ACER1: variants seen among roughly 807,000 people sequenced by gnomAD.
ACER1 encodes the protein CTB-180A7.3.
Under a neutral mutation model 24.9 loss-of-function variants are expected in ACER1, and 28 were observed. The ratio of observed to expected loss-of-function variants is 1.13; its 90% CI spans 0.83 to 1.54. The LOEUF (loss-of-function observed/expected upper bound fraction) is 1.54. ACER1 is among the 40% of genes most tolerant of loss of function. The pLI, the probability that ACER1 is intolerant of heterozygous loss-of-function variation, is 0.00. For missense variants in ACER1, 352 were observed against 349.3 expected (o/e 1.01, Z -0.06); for synonymous variants, 132 against 131.4 (o/e 1.00, Z -0.03).
At chr19:6,311,107 G>C (rs1235009420) in intron 3 of ACER1, among the ~76,000 whole-genome samples, 2 of 151,864 alleles carry the variant, frequency 1.3e-5, no homozygotes, top group East Asian at 3.9e-4. Context: ...TCCCAGCTGG[G>C]CTGAGAAGAG....
the ACER1 span, among the ~76,000 whole-genome samples, chr19:6,347,109 A>AAAAAATATATATATAT: frequency 3.8e-4 from 43 of 113,762 alleles, no homozygotes; most frequent in Admixed American, 2.1e-3. Context: ...AAAAAAAAAA[A>AAAAAATATATATATAT]ATATATATAT....
chr19:6,312,082 T>C, intron 3 of ACER1, 67 bp downstream of exon 3: 1 of 1,547,470 alleles, frequency 6.5e-7, no homozygotes, highest in Non-Finnish European at 8.8e-7. Context: ...GGGACTCAGG[T>C]GAGCTCATGT....
chr19:6,353,047 C>T, the ACER1 span, among the ~76,000 whole-genome samples: 1 of 152,148 alleles, frequency 6.6e-6, no homozygotes, highest in Non-Finnish European at 1.5e-5. Context: ...TTATGGAGTC[C>T]TGGTGTGGTG....
At chr19:6,337,800 C>G (rs954035511), upstream of ACER1, among the ~76,000 whole-genome samples, 2 of 150,152 alleles carry the variant, frequency 1.3e-5, no homozygotes, top group Middle Eastern at 3.4e-3. Flanking sequence ...CTCAGCCTCC[C>G]GAGTAGCTGG....
chr19:6,314,953 G>A lies in ACER1; in HGVS notation c.94-2454C>T, dbSNP rs954760979. Reference sequence around the variant, plus strand: ...GTCGCCCAGGCTGGAGTGCAGTGGCGCGATCTCAGCTCACTGCAAGCTCCG... The same window carrying A: ...GTCGCCCAGGCTGGAGTGCAGTGGCACGATCTCAGCTCACTGCAAGCTCCG... On this transcript the variant is annotated intron_variant, in intron 1 of 5. Transcript: ENST00000301452. Among the ~76,000 whole-genome samples, 115 of 151,620 alleles carry A rather than the reference G, an allele frequency of 7.6e-4. 2 individuals carry two copies. The highest frequency in any genetic ancestry group is 3.4e-3 in the Middle Eastern group (1 of 294).
chr19:6,315,468 C>T (rs2091598991), intron 1 of ACER1, among the ~76,000 whole-genome samples: 1 of 152,050 alleles, frequency 6.6e-6, no homozygotes, highest in Non-Finnish European at 1.5e-5. Context: ...CAAGCTCCGC[C>T]TCCCGGGTTC....
At chr19:6,326,687 GA>G (rs2091663364) in intron 1 of ACER1, among the ~76,000 whole-genome samples, 1 of 152,054 alleles carries the variant, frequency 6.6e-6, no homozygotes, top group Admixed American at 6.6e-5. Context: ...TGGGGCTGAA[GA>G]AATCTGTTTC....
the ACER1 span, among the ~76,000 whole-genome samples, chr19:6,347,109 A>AAAAAAAAAAATATATAT: frequency 1.4e-4 from 16 of 113,778 alleles, no homozygotes; most frequent in African/African-American, 7.6e-4. Flanking sequence ...AAAAAAAAAA[A>AAAAAAAAAAATATATAT]ATATATATAT....
the ACER1 span, among the ~76,000 whole-genome samples, chr19:6,344,442 C>CAATA: frequency 6.6e-6 from 1 of 151,568 alleles, no homozygotes. Flanking sequence ...AACTCCATCT[C>CAATA]AATAAATAAA....
At chr19:6,345,698 G>T in the ACER1 span, among the ~76,000 whole-genome samples, 2 of 151,498 alleles carry the variant, frequency 1.3e-5, no homozygotes, top group Non-Finnish European at 2.9e-5. Flanking sequence ...CTGAGTCGCT[G>T]GGATTACAGG....
chr19:6,315,157 A>G (rs899543756), intron 1 of ACER1, among the ~76,000 whole-genome samples: 14 of 151,878 alleles, frequency 9.2e-5, no homozygotes, highest in African/African-American at 3.4e-4. Flanking sequence ...TGCTGGGATT[A>G]CAGGTGTGAG....
At chr19:6,319,665 C>T (rs1490884521) in intron 1 of ACER1, among the ~76,000 whole-genome samples, 7 of 152,130 alleles carry the variant, frequency 4.6e-5, no homozygotes, top group South Asian at 2.1e-4. Flanking sequence ...TTTCCTGCTC[C>T]TACTTCCAGA....
chr19:6,342,490 C>T, the ACER1 span, among the ~76,000 whole-genome samples: 4 of 151,774 alleles, frequency 2.6e-5, no homozygotes, highest in Non-Finnish European at 5.9e-5. Flanking sequence ...GAGGCTGAGG[C>T]GGGCGGATCA....
At chr19:6,329,089 A>G (rs1372304796) in intron 1 of ACER1, among the ~76,000 whole-genome samples, 1 of 152,034 alleles carries the variant, frequency 6.6e-6, no homozygotes, top group African/African-American at 2.4e-5. Context: ...TCAAGGCTGC[A>G]GTGAGCTATG....
At position 6,309,723 on chromosome 19, in the gene ACER1, G is replaced by C; in HGVS notation, c.462C>G (p.Leu154=). The C allele has an allele frequency of 1.2e-6, 2 of 1,614,086 alleles. No homozygotes were observed. The highest frequency in any genetic ancestry group is 1.7e-6 in the Non-Finnish European group (2 of 1,179,988). ...TCCTGTACTCCTGGCACACGATGTA[G>C]AGAATGTGCAGGGCAATGCTGTTGA... The part of the protein sequence containing the change: ...YALNSIALHI[L]YIVCQEYRKT... The change falls in exon 4 of 6, where the codon CTC becomes CTG. Residue 154 remains leucine, a synonymous_variant. Coordinates refer to ENST00000301452, the MANE Select transcript of ACER1 (RefSeq NM_133492.3).
At chr19:6,354,951 T>G in the ACER1 span, among the ~76,000 whole-genome samples, 1 of 152,184 alleles carries the variant, frequency 6.6e-6, no homozygotes, top group Non-Finnish European at 1.5e-5. Context: ...GCCTGCCGAG[T>G]GCCTGTGATT....
In ACER1 at chr19:6,333,530, G is replaced by C. The variant is rs2091699795; in HGVS notation, c.22C>G (p.Gln8Glu). The C allele has an allele frequency of 1.9e-6, 3 of 1,586,072 alleles. No homozygotes were observed. In the East Asian group the frequency reaches 6.8e-5, roughly 36 times the overall value. Residue 8 changes from glutamine to glutamate, a missense_variant, in exon 1 of 6, where the codon CAG becomes GAG. Physicochemically the swap from Gln to Glu is conservative, Grantham distance 29. Transcript: ENST00000301452. MPSIFAY[Q>E]SSEVDWCESN... ...TCACACCAGTCCACCTCGGAGCTCT[G>C]ATAGGCGAAGATGCTAGGCATCTTG...
chr19:6,347,109 A>AATATATATATATAT, the ACER1 span, among the ~76,000 whole-genome samples: 17 of 113,768 alleles, frequency 1.5e-4, 3 homozygotes, highest in African/African-American at 7.1e-4. Context: ...AAAAAAAAAA[A>AATATATATATATAT]ATATATATAT....
intron 1 of ACER1, among the ~76,000 whole-genome samples, chr19:6,333,145 G>A (rs1487938778): frequency 1.3e-5 from 2 of 152,004 alleles, no homozygotes; most frequent in Non-Finnish European, 2.9e-5. Flanking sequence ...TACCACAGCT[G>A]CCTCTGTGCC....
Sources: allele counts gnomAD v4.1 joint callset (sites outside exome capture counted in the v4.1 genomes callset), GRCh38; gene constraint gnomAD v4.1.1; transcripts MANE v1.5; gene names NCBI Gene and HGNC (gene_info 2026-07-23, HGNC 2026-07-21).